ATP2B2: variants seen among roughly 807,000 people sequenced by gnomAD.
ATP2B2 encodes plasma membrane calcium-transporting ATPase 2.
In ATP2B2, 15 loss-of-function variants were observed where a neutral mutation model predicts 120.0. That is an observed-to-expected ratio of 0.12 (90% CI 0.08 to 0.19). The LOEUF (loss-of-function observed/expected upper bound fraction) is 0.19, where lower values mean the gene tolerates loss of function less well. ATP2B2 is among the 10% of genes least tolerant of loss of function. ATP2B2 has a pLI of 1.00. For synonymous variants in ATP2B2, 694 were observed against 700.3 expected (o/e 0.99, Z 0.14); for missense variants, 1,045 against 1,719.8 (o/e 0.61, Z 6.94).
rs565219481 is a variant in ATP2B2 at position 10,702,632 on chromosome 3, A to C, written c.-460+5283T>G. Among the ~76,000 whole-genome samples, 6 of 152,308 alleles carry C rather than the reference A, an allele frequency of 3.9e-5. 1 individual carries two copies. The highest frequency in any genetic ancestry group is 1.4e-4 in the African/African-American group (6 of 41,570). On this transcript the variant is annotated intron_variant, in intron 1 of 21. Transcript: ENST00000646379. ...GGACCTGTTCAGCCTTTCCAGGTTC[A>C]TCTGCTTGCACGGTCATTCACTTGG...
intron 2 of ATP2B2, among the ~76,000 whole-genome samples, chr3:10,562,038 T>C (rs9860859): frequency 3.9e-5 from 6 of 152,182 alleles, no homozygotes; most frequent in Non-Finnish European, 7.3e-5. Flanking sequence ...TTTTAGAACA[T>C]GCCTCTGTGA....
chr3:10,386,913 T>A (rs540291079), intron 6 of ATP2B2, among the ~76,000 whole-genome samples: 1 of 152,332 alleles, frequency 6.6e-6, no homozygotes, highest in Non-Finnish European at 1.5e-5. Context: ...GTCTTCCTAC[T>A]GGCATTTAAA....
intron 2 of ATP2B2, among the ~76,000 whole-genome samples, chr3:10,608,845 C>A (rs1053115812): frequency 6.6e-6 from 1 of 152,170 alleles, no homozygotes; most frequent in Non-Finnish European, 1.5e-5. Context: ...TGGGGAGAGG[C>A]CTATTTCAGT....
intron 1 of ATP2B2, among the ~76,000 whole-genome samples, chr3:10,502,559 T>C (rs1450946778): frequency 6.6e-6 from 1 of 152,220 alleles, no homozygotes; most frequent in Non-Finnish European, 1.5e-5. Context: ...GACAAGTCCC[T>C]GTGCCTGGCT....
intron 15 of ATP2B2, 75 bp downstream of exon 15, chr3:10,350,323 A>T (rs544243846): frequency 1.2e-6 from 2 of 1,604,656 alleles, no homozygotes; most frequent in Admixed American, 3.4e-5. Context: ...GCTTCTGTAC[A>T]ATCATGCAGC....
intron 2 of ATP2B2, among the ~76,000 whole-genome samples, chr3:10,547,035 C>T (rs1251561279): frequency 2.6e-5 from 4 of 152,292 alleles, no homozygotes; most frequent in South Asian, 2.1e-4. Flanking sequence ...GCTGCAGAGA[C>T]GAACACTCCA....
intron 1 of ATP2B2, among the ~76,000 whole-genome samples, chr3:10,458,213 CTGCCCCGGGCACT>C (rs2064346879): frequency 6.6e-6 from 1 of 152,154 alleles, no homozygotes; most frequent in African/African-American, 2.4e-5. Context: ...ATCACAGGCC[CTGCCCCGGGCACT>C]GGGACTATGA....
At chr3:10,467,234 A>G (rs895980111) in intron 1 of ATP2B2, among the ~76,000 whole-genome samples, 9 of 152,290 alleles carry the variant, frequency 5.9e-5, no homozygotes, top group South Asian at 2.1e-4. Context: ...AAACATCTAC[A>G]TGGGGAAATT....
intron 2 of ATP2B2, among the ~76,000 whole-genome samples, chr3:10,565,374 G>A (rs1172418456): frequency 1.3e-5 from 2 of 152,116 alleles, no homozygotes; most frequent in Non-Finnish European, 2.9e-5. Context: ...GATTTCTGCT[G>A]TTCCCCATCT....
chr3:10,343,097 C>T lies in ATP2B2; in HGVS notation c.2704-132G>A, dbSNP rs2060328325. 8 of 890,822 alleles carry T rather than the reference C, an allele frequency of 9.0e-6. No individual in the cohort carries two copies. In the South Asian group the frequency reaches 9.4e-5, roughly 10 times the overall value. 55.2% of individuals were successfully genotyped at this position (890,822 alleles called of 1,614,324 possible). On this transcript the variant is annotated intron_variant, in intron 18 of 22. Coordinates refer to ENST00000360273, the MANE Select transcript of ATP2B2 (RefSeq NM_001001331.4). The surrounding 1 kb of genome is among the most constrained non-coding windows in gnomAD (Gnocchi z 4.2). ...TCCGACCTGCCCCTTGGCTCCCCAG[C>T]AGGCATGGAGTTGTTCTCTGATGCC...
rs376463052 is a variant in ATP2B2 at position 10,356,560 on chromosome 3, G to C, written c.2136+2131C>G. The stretch of plus-strand genomic sequence containing the variant: ...GTGCGTCATGGTCAAATAACAGTTT[G>C]GGCCTGCCTGTGTCTTCCATTCACC... On this transcript the variant is annotated intron_variant, in intron 14 of 22. Coordinates refer to ENST00000360273, the MANE Select transcript of ATP2B2 (RefSeq NM_001001331.4). Among the ~76,000 whole-genome samples the C allele has an allele frequency of 9.2e-5, 14 of 152,314 alleles. 1 individual carries two copies. Among genetic ancestry groups the C allele is most frequent in the East Asian group, 7.7e-4 (4 of 5,180 alleles).
intron 1 of ATP2B2, among the ~76,000 whole-genome samples, chr3:10,450,201 C>T (rs2063987447): frequency 6.6e-6 from 1 of 152,118 alleles, no homozygotes; most frequent in South Asian, 2.1e-4. Flanking sequence ...GTGCCACTGC[C>T]ACACACACGT....
intron 1 of ATP2B2, among the ~76,000 whole-genome samples, chr3:10,705,957 G>T (rs2071889854): frequency 1.3e-5 from 2 of 152,168 alleles, no homozygotes; most frequent in Non-Finnish European, 2.9e-5. Context: ...CTGGGACCAG[G>T]TCTGTTTTAT....
chr3:10,431,748 T>TAA (rs112026049), intron 2 of ATP2B2, among the ~76,000 whole-genome samples: 6 of 142,430 alleles, frequency 4.2e-5, no homozygotes, highest in African/African-American at 1.0e-4. Flanking sequence ...ATGAATAACT[T>TAA]AAAAAAAAAA....
intron 2 of ATP2B2, among the ~76,000 whole-genome samples, chr3:10,444,564 T>G (rs1383525434): frequency 2.0e-5 from 3 of 152,238 alleles, no homozygotes; most frequent in Non-Finnish European, 2.9e-5. Context: ...CACAGCACTC[T>G]GCAGTATCCA....
At chr3:10,512,882 G>A (rs1458793558) in intron 3 of ATP2B2, among the ~76,000 whole-genome samples, 1 of 152,208 alleles carries the variant, frequency 6.6e-6, no homozygotes, top group Non-Finnish European at 1.5e-5. Flanking sequence ...ACCGTGATGG[G>A]CTGTGTGACT....
At chr3:10,591,367 C>CA (rs1230292131) in intron 2 of ATP2B2, among the ~76,000 whole-genome samples, 2 of 152,162 alleles carry the variant, frequency 1.3e-5, no homozygotes, top group Non-Finnish European at 2.9e-5. Flanking sequence ...CAAAACTCTC[C>CA]AATGGTCCTG....
At chr3:10,385,733 G>A (rs1306648160) in intron 7 of ATP2B2, among the ~76,000 whole-genome samples, 1 of 152,170 alleles carries the variant, frequency 6.6e-6, no homozygotes, top group African/African-American at 2.4e-5. Context: ...GTGCAGCGTG[G>A]GCACGGACCA....
At chr3:10,479,535 T>G (rs2065325594) in intron 1 of ATP2B2, among the ~76,000 whole-genome samples, 1 of 152,050 alleles carries the variant, frequency 6.6e-6, no homozygotes, top group Admixed American at 6.6e-5. Context: ...GATTGTTTGA[T>G]TTTAGATCAC....
Sources: gnomAD v4.1 joint callset for allele counts (sites outside exome capture counted in the v4.1 genomes callset) on GRCh38, gnomAD v4.1.1 for gene constraint, Gnocchi (gnomAD v3.1) non-coding constraint, MANE v1.5 for transcripts, NCBI Gene and HGNC (gene_info 2026-07-23, HGNC 2026-07-21) for gene names.